The following PRKACB variants were observed in gnomAD, a reference collection of about 807,000 sequenced individuals.
PRKACB encodes the protein cAMP-dependent protein kinase catalytic subunit beta.
A neutral mutation model predicts 51.4 loss-of-function variants in PRKACB; 16 were observed. That is an observed-to-expected ratio of 0.31 (90% CI 0.21 to 0.47). The LOEUF is 0.47. Among genes scored for constraint, PRKACB ranks in the 20% least tolerant of loss-of-function variants. The pLI is 1.00. For synonymous variants in PRKACB, 147 were observed against 154.4 expected (o/e 0.95, Z 0.35); for missense variants, 309 against 464.5 (o/e 0.67, Z 3.08).
intron 1 of PRKACB, among the ~76,000 whole-genome samples, chr1:84,089,133 TG>T (rs1648255128): frequency 6.6e-6 from 1 of 152,168 alleles, no homozygotes; most frequent in Non-Finnish European, 1.5e-5. Flanking sequence ...ATCTCTGGAA[TG>T]TGGCACAGTT....
chr1:84,219,531 C>T (rs116459317), intron 9 of PRKACB, among the ~76,000 whole-genome samples: 1,861 of 151,914 alleles, frequency 0.012, 47 homozygotes, highest in African/African-American at 0.043. Context: ...TTGACTAGAC[C>T]AATGTTCTAG....
chr1:84,222,447 T>C (rs558859557), intron 9 of PRKACB, among the ~76,000 whole-genome samples: 108 of 152,348 alleles, frequency 7.1e-4, no homozygotes, highest in Non-Finnish European at 1.4e-3. Context: ...TGAGGACTTA[T>C]TCCTATCATT....
At chr1:84,100,647 TTTC>T (rs1649278640) in intron 1 of PRKACB, among the ~76,000 whole-genome samples, 5 of 152,078 alleles carry the variant, frequency 3.3e-5, no homozygotes. Context: ...TGAGGAAAAT[TTTC>T]TTTTAAAAAT....
intron 7 of PRKACB, 105 bp from the exon 8 acceptor site, chr1:84,202,578 T>TA: frequency 2.4e-6 from 3 of 1,268,778 alleles, no homozygotes; most frequent in Non-Finnish European, 2.1e-6. Flanking sequence ...GCAATTGCTT[T>TA]AAAAAAATTT....
intron 1 of PRKACB, among the ~76,000 whole-genome samples, chr1:84,086,869 G>A (rs1156947968): frequency 6.6e-6 from 1 of 152,176 alleles, no homozygotes; most frequent in East Asian, 1.9e-4. Context: ...GACTCTGTAA[G>A]GCTCGAGGCA....
intron 7 of PRKACB, among the ~76,000 whole-genome samples, chr1:84,198,907 T>C (rs946511895): frequency 2.1e-5 from 3 of 142,530 alleles, no homozygotes; most frequent in Admixed American, 6.9e-5. Flanking sequence ...TATATACACA[T>C]ATGTGTGGTG....
chr1:84,166,027 A>G (rs963523118), intron 1 of PRKACB, among the ~76,000 whole-genome samples: 3 of 151,706 alleles, frequency 2.0e-5, no homozygotes, highest in Admixed American at 2.0e-4. Context: ...ACTGGAGATC[A>G]CCTCATTATA....
chr1:84,111,432 G>T (rs1467953121), intron 1 of PRKACB, among the ~76,000 whole-genome samples: 1 of 151,992 alleles, frequency 6.6e-6, no homozygotes, highest in Non-Finnish European at 1.5e-5. Flanking sequence ...AATCAAAATT[G>T]TTCCTCTCTT....
upstream of PRKACB, among the ~76,000 whole-genome samples, chr1:84,141,661 C>A (rs1436486842): frequency 6.6e-6 from 1 of 151,994 alleles, no homozygotes; most frequent in African/African-American, 2.4e-5. Context: ...ATAAAGTAAT[C>A]TTAGTGTTCT....
chr1:84,204,592 T>G, intron 8 of PRKACB: 1 of 1,383,764 alleles, frequency 7.2e-7, no homozygotes, highest in South Asian at 1.8e-5. Flanking sequence ...AAAGGTCATA[T>G]GAAGAATGAT....
At chr1:84,171,961 T>C (rs369415436) in intron 1 of PRKACB, among the ~76,000 whole-genome samples, 2 of 151,674 alleles carry the variant, frequency 1.3e-5, no homozygotes, top group East Asian at 3.9e-4. Context: ...ATAAATCTAA[T>C]AAAAGTGTAA....
intron 3 of PRKACB, among the ~76,000 whole-genome samples, 196 bp downstream of exon 3, chr1:84,182,524 A>G (rs191368420): frequency 2.0e-5 from 3 of 152,126 alleles, no homozygotes; most frequent in East Asian, 3.9e-4. Context: ...TTCCATATCT[A>G]TGGGTTCCAC....
chr1:84,097,665 A>G (rs1261923970), intron 1 of PRKACB, among the ~76,000 whole-genome samples: 1 of 152,074 alleles, frequency 6.6e-6, no homozygotes, highest in African/African-American at 2.4e-5. Context: ...TCTAAGTCCA[A>G]AGACCTGAGG....
At chr1:84,231,510 T>C (rs1367327681) in intron 9 of PRKACB, among the ~76,000 whole-genome samples, 1 of 152,256 alleles carries the variant, frequency 6.6e-6, no homozygotes, top group East Asian at 1.9e-4. Flanking sequence ...CAATTCATCC[T>C]TGTACCTCTG....
upstream of PRKACB, among the ~76,000 whole-genome samples, chr1:84,140,620 A>G (rs1653309296): frequency 6.6e-6 from 1 of 152,166 alleles, no homozygotes; most frequent in South Asian, 2.1e-4. Context: ...TGTAAGAAAC[A>G]TGGACAATGA....
upstream of PRKACB, chr1:84,078,120 C>CGCCGCCGCT (rs1647235000): frequency 2.4e-6 from 1 of 415,554 alleles, no homozygotes; most frequent in Admixed American, 4.6e-5. Context: ...CCGCCGCCGC[C>CGCCGCCGCT]GCTGCTGCTG....
intron 1 of PRKACB, among the ~76,000 whole-genome samples, chr1:84,171,402 A>T (rs1659424268): frequency 6.6e-6 from 1 of 151,632 alleles, no homozygotes; most frequent in African/African-American, 2.4e-5. Context: ...TACCTGTTTT[A>T]AAAATTGAAT....
At chr1:84,220,515 G>T (rs1673541338) in intron 9 of PRKACB, among the ~76,000 whole-genome samples, 1 of 152,088 alleles carries the variant, frequency 6.6e-6, no homozygotes. Context: ...TCCTTGTCTT[G>T]GTCCAATTCT....
At chr1:84,091,451 A>G (rs2100772997) in intron 1 of PRKACB, among the ~76,000 whole-genome samples, 1 of 152,152 alleles carries the variant, frequency 6.6e-6, no homozygotes, top group African/African-American at 2.4e-5. Context: ...CTTTGACCTA[A>G]CAATTTCTTG....
Sources: allele counts gnomAD v4.1 joint callset (sites outside exome capture counted in the v4.1 genomes callset), GRCh38; gene constraint gnomAD v4.1.1; transcripts MANE v1.5; gene names NCBI Gene and HGNC (gene_info 2026-07-23, HGNC 2026-07-21).